The following VMP1 variants were observed in gnomAD, a reference collection of about 807,000 sequenced individuals.
VMP1 encodes ectopic P-granules autophagy protein 3 homolog.
VMP1 carries 11 observed loss-of-function variants against 56.0 expected under a neutral mutation model. The ratio of observed to expected loss-of-function variants is 0.20; its 90% CI spans 0.12 to 0.32. The LOEUF (loss-of-function observed/expected upper bound fraction) is 0.32. VMP1 is among the 10% of genes least tolerant of loss of function. VMP1 has a pLI of 1.00. For synonymous variants in VMP1, 149 were observed against 165.0 expected, an observed-to-expected ratio of 0.90 and a Z score of 0.74; for missense variants, 296 against 490.3, an observed-to-expected ratio of 0.60 and a Z score of 3.74.
At chr17:59,718,228 G>A (rs920781836) in intron 1 of VMP1, among the ~76,000 whole-genome samples, 1 of 112,402 alleles carries the variant, frequency 8.9e-6, no homozygotes, top group African/African-American at 3.4e-5. Context: ...ACGGAGTCTC[G>A]CTCTGTCACC....
At chr17:59,743,019 T>A (rs1245415414) in intron 5 of VMP1, among the ~76,000 whole-genome samples, 1 of 152,160 alleles carries the variant, frequency 6.6e-6, no homozygotes, top group African/African-American at 2.4e-5. Context: ...CCATAACACC[T>A]TTCCCCACCA....
Position 59,707,707 on chromosome 17 carries a change from C to T in VMP1, c.-68C>T, listed in dbSNP as rs1191512944. 2 of 152,322 alleles carry T rather than the reference C, an allele frequency of 1.3e-5. No individual in the cohort carries two copies. The highest frequency in any genetic ancestry group is 4.8e-5 in the African/African-American group (2 of 41,454). 9.4% of individuals were successfully genotyped at this position (152,322 alleles called of 1,614,324 possible). A position where few individuals can be genotyped will look rare whatever the true frequency, so the allele number is the denominator to read the frequency against. On this transcript the variant is annotated 5_prime_UTR_variant, in exon 1 of 12. Transcript: ENST00000262291. ...GGGTGTGAGAGTCCGTAAGGAGCAG[C>T]TTCCAGGATCCTGAGATCCGGAGCA...
chr17:59,800,709 T>C (rs1335505200), intron 7 of VMP1, among the ~76,000 whole-genome samples: 2 of 152,140 alleles, frequency 1.3e-5, no homozygotes, highest in East Asian at 1.9e-4. Flanking sequence ...GACATGGTAA[T>C]GTAGCACAAC....
intron 7 of VMP1, among the ~76,000 whole-genome samples, chr17:59,787,264 T>C (rs577840352): frequency 1.3e-5 from 2 of 152,332 alleles, no homozygotes; most frequent in East Asian, 3.9e-4. Flanking sequence ...TTTTACTTGC[T>C]TTCTCTAGAA....
chr17:59,755,381 A>G (rs1332785441), intron 5 of VMP1, among the ~76,000 whole-genome samples: 1 of 152,150 alleles, frequency 6.6e-6, no homozygotes, highest in Non-Finnish European at 1.5e-5. Flanking sequence ...AACTGCTGGG[A>G]TTACAGGCGT....
At chr17:59,766,154 C>G (rs2036224745) in intron 6 of VMP1, among the ~76,000 whole-genome samples, 1 of 152,024 alleles carries the variant, frequency 6.6e-6, no homozygotes, top group African/African-American at 2.4e-5. Context: ...CGGCTCATTG[C>G]AGCTTCAACC....
chr17:59,838,107 T>C (rs555329765), intron 10 of VMP1, 188 bp from the exon 11 acceptor site: 76 of 273,300 alleles, frequency 2.8e-4, no homozygotes, highest in South Asian at 1.5e-3. Flanking sequence ...TTTCTTTTTT[T>C]TTTTTTTTTT....
intron 10 of VMP1, among the ~76,000 whole-genome samples, chr17:59,834,966 G>A (rs1448985549): frequency 1.3e-5 from 2 of 152,026 alleles, no homozygotes; most frequent in East Asian, 1.9e-4. Flanking sequence ...CGCCATGTTG[G>A]CCAGGCTGGT....
chr17:59,765,804 G>C (rs1235754353), intron 6 of VMP1, among the ~76,000 whole-genome samples: 2 of 151,892 alleles, frequency 1.3e-5, no homozygotes, highest in African/African-American at 4.8e-5. Context: ...ATTATCACTT[G>C]TACTGGCACA....
chr17:59,738,559 C>CT (rs756032252), intron 4 of VMP1, among the ~76,000 whole-genome samples: 6 of 152,066 alleles, frequency 3.9e-5, no homozygotes, highest in Non-Finnish European at 8.8e-5. Flanking sequence ...TCATAATTTG[C>CT]TTTTTCCTGT....
rs200633751 is a variant in VMP1, at chr17:59,791,184, CT to C, written c.714+17320del. On this transcript the variant is annotated intron_variant, in intron 7 of 11. Transcript: ENST00000262291. Reference sequence around the variant, plus strand: ...ACAATTTAAGACTGCTCCCAGTTCCCTTTTTTTTTTTTTTTTTTTTTAAGAT... The same window carrying C: ...ACAATTTAAGACTGCTCCCAGTTCCCTTTTTTTTTTTTTTTTTTTTAAGAT... Among the ~76,000 whole-genome samples, 648 of 133,628 alleles carry C rather than the reference CT, an allele frequency of 4.8e-3. 1 individual carries two copies. The highest frequency in any genetic ancestry group is 7.0e-3 in the Non-Finnish European group (456 of 64,818). The allele number at this position is 133,628 out of a possible 152,430, so 87.7% of individuals were successfully genotyped here.
chr17:59,793,915 G>T (rs1395774415), intron 7 of VMP1, among the ~76,000 whole-genome samples: 1 of 150,406 alleles, frequency 6.6e-6, no homozygotes, highest in East Asian at 2.0e-4. Flanking sequence ...GTGAGCCACC[G>T]CATTTGCCCT....
At chr17:59,800,094 A>T (rs1255346775) in intron 7 of VMP1, among the ~76,000 whole-genome samples, 2 of 152,206 alleles carry the variant, frequency 1.3e-5, no homozygotes, top group Non-Finnish European at 1.5e-5. Flanking sequence ...CTATATTTTT[A>T]AAATAACTCA....
chr17:59,807,671 A>G lies in VMP1; in HGVS notation c.715-1125A>G, dbSNP rs546480451. ...AACATGGTGAAACCTCGTCTCTACT[A>G]AAAATACAAAATTAGCTGGGCGTGG... On this transcript the variant is annotated intron_variant, in intron 7 of 11. Coordinates refer to ENST00000262291, the MANE Select transcript of VMP1 (RefSeq NM_030938.5). Among the ~76,000 whole-genome samples the G allele has an allele frequency of 3.9e-5, 6 of 152,008 alleles. No individual in the cohort carries two copies. The South Asian group carries it at 1.2e-3, about 32-fold the overall frequency.
At chr17:59,756,708 TC>T (rs1205976757) in intron 5 of VMP1, among the ~76,000 whole-genome samples, 2 of 152,224 alleles carry the variant, frequency 1.3e-5, no homozygotes, top group Non-Finnish European at 2.9e-5. Flanking sequence ...CATTCTGCAC[TC>T]TTAATGTGAT....
At chr17:59,738,759 T>G in intron 4 of VMP1, 78 bp from the exon 5 acceptor site, 1 of 1,086,994 alleles carries the variant, frequency 9.2e-7, no homozygotes. Flanking sequence ...TTTAGTTGAT[T>G]TAATTTTGAT....
intron 5 of VMP1, among the ~76,000 whole-genome samples, chr17:59,740,351 A>G (rs2035182865): frequency 6.6e-6 from 1 of 152,180 alleles, no homozygotes; most frequent in African/African-American, 2.4e-5. Flanking sequence ...CATATTTGAA[A>G]GCAGTTTGAT....
At chr17:59,836,572 C>T (rs2038987402) in intron 10 of VMP1, among the ~76,000 whole-genome samples, 1 of 152,176 alleles carries the variant, frequency 6.6e-6, no homozygotes, top group Non-Finnish European at 1.5e-5. Context: ...TATATATCTT[C>T]TGTACCAAAA....
At chr17:59,824,571 TAAAAA>T (rs35033232) in intron 10 of VMP1, among the ~76,000 whole-genome samples, 1 of 95,582 alleles carries the variant, frequency 1.0e-5, no homozygotes, top group Non-Finnish European at 2.0e-5. Context: ...AGACTCCTTC[TAAAAA>T]AAAAAAAAAA....
Sources: allele counts gnomAD v4.1 joint callset (sites outside exome capture counted in the v4.1 genomes callset), GRCh38; gene constraint gnomAD v4.1.1; transcripts MANE v1.5; gene names NCBI Gene and HGNC (gene_info 2026-07-23, HGNC 2026-07-21).